NEDD9: variants seen among roughly 807,000 people sequenced by gnomAD.
The protein encoded by NEDD9 is neural precursor cell expressed, developmentally down-regulated 9.
In NEDD9, 26 loss-of-function variants were observed where a neutral mutation model predicts 76.6. That is an observed-to-expected ratio of 0.34 (90% CI 0.25 to 0.47). NEDD9 has a LOEUF of 0.47. NEDD9 is among the 20% of genes least tolerant of loss of function. The probability of loss-of-function intolerance (pLI) is 1.00; values close to 1 mark genes in which losing one functional copy is unlikely to be tolerated. For synonymous variants in NEDD9, 392 were observed against 414.2 expected (o/e 0.95, Z 0.65); for missense variants, 937 against 1,058.5 (o/e 0.89, Z 1.59).
At chr6:11,356,712 G>T (rs9380246) in intron 1 of NEDD9, among the ~76,000 whole-genome samples, 87,541 of 149,816 alleles carry the variant, frequency 0.58, 25,869 homozygotes, top group Admixed American at 0.62. Context: ...TTAATCGTTG[G>T]CATCATCATA....
intron 2 of NEDD9, among the ~76,000 whole-genome samples, chr6:11,327,928 GCTAT>G (rs1561836394): frequency 6.6e-6 from 1 of 152,244 alleles, no homozygotes; most frequent in African/African-American, 2.4e-5. Flanking sequence ...CTGTGCAACA[GCTAT>G]CTCTTTGCTT....
intron 2 of NEDD9, among the ~76,000 whole-genome samples, chr6:11,204,718 T>TTAAAA (rs1561786771): frequency 3.7e-5 from 1 of 26,790 alleles, no homozygotes; most frequent in African/African-American, 2.0e-4. Flanking sequence ...AGGGTCCGTC[T>TTAAAA]CAAAAAAAAA....
chr6:11,361,658 T>C (rs1446760715), intron 1 of NEDD9, among the ~76,000 whole-genome samples: 2 of 152,018 alleles, frequency 1.3e-5, no homozygotes, highest in Non-Finnish European at 2.9e-5. Flanking sequence ...AACTATATCA[T>C]CCCTATTCAC....
At chr6:11,238,824 C>T (rs912671385) in intron 3 of NEDD9, among the ~76,000 whole-genome samples, 6 of 152,118 alleles carry the variant, frequency 3.9e-5, no homozygotes, top group Non-Finnish European at 8.8e-5. Context: ...AAGTATGAGC[C>T]GCAGTAGGCT....
intron 2 of NEDD9, among the ~76,000 whole-genome samples, chr6:11,321,219 G>C (rs1761792997): frequency 6.8e-6 from 1 of 147,598 alleles, no homozygotes; most frequent in African/African-American, 2.5e-5. Flanking sequence ...GAAGGAAGGA[G>C]GGAGGAAGGA....
chr6:11,291,632 A>C (rs1162198769), intron 3 of NEDD9, among the ~76,000 whole-genome samples: 1 of 152,160 alleles, frequency 6.6e-6, no homozygotes, highest in Non-Finnish European at 1.5e-5. Flanking sequence ...GTTTAATTGG[A>C]TATTGTACTC....
chr6:11,256,810 G>T (rs1760013228), intron 3 of NEDD9, among the ~76,000 whole-genome samples: 1 of 152,202 alleles, frequency 6.6e-6, no homozygotes, highest in African/African-American at 2.4e-5. Flanking sequence ...TAGAGCCTTT[G>T]CAGTAGGCTG....
At chr6:11,306,009 C>A (rs763995619) in exon 3 of NEDD9, 2 of 1,613,860 alleles carry the variant, frequency 1.2e-6, no homozygotes, top group Non-Finnish European at 1.7e-6. Flanking sequence ...CACATTTTGC[C>A]CCAAGGAATG....
At chr6:11,319,631 ACT>A (rs1491417202) in intron 2 of NEDD9, among the ~76,000 whole-genome samples, 14 of 150,048 alleles carry the variant, frequency 9.3e-5, no homozygotes, top group Non-Finnish European at 4.4e-5. Flanking sequence ...ACACACACAC[ACT>A]AACATGCACA....
intron 1 of NEDD9, among the ~76,000 whole-genome samples, chr6:11,373,305 T>C (rs1328789395): frequency 6.6e-6 from 1 of 152,220 alleles, no homozygotes; most frequent in African/African-American, 2.4e-5. Flanking sequence ...ATGAATAACA[T>C]GTTGTATATA....
intron 1 of NEDD9, among the ~76,000 whole-genome samples, chr6:11,372,150 G>A (rs879815200): frequency 2.2e-4 from 16 of 72,222 alleles, no homozygotes; most frequent in South Asian, 2.2e-3. Flanking sequence ...CACCCACAAC[G>A]CTACCCTTCC....
rs536859418 is a variant in NEDD9 at position 11,364,623 on chromosome 6, A to C, written c.-214+17516T>G. On this transcript the variant is annotated intron_variant, in intron 1 of 3. Coordinates refer to the NEDD9 transcript ENST00000397378. ...GCTTGTAACCCTTAAGGAGGCTCCAAAGTTCCCTCATTAAGTGGTTGTGAA... is the reference window on the plus strand; with the variant it reads ...GCTTGTAACCCTTAAGGAGGCTCCACAGTTCCCTCATTAAGTGGTTGTGAA... Among the ~76,000 whole-genome samples the C allele has an allele frequency of 3.9e-5, 6 of 152,214 alleles. No homozygotes were observed. In the South Asian group the frequency reaches 1.0e-3, roughly 26 times the overall value.
rs143319864 is a variant in NEDD9, at chr6:11,327,084, G to T, written c.-153+7417C>A. On this transcript the variant is annotated intron_variant, in intron 2 of 3. Transcript: ENST00000397378. Reference sequence around the variant, plus strand: ...GGATTCCTACTGGTGATGATGCTGGGACAACAGGAGCACATAGGGACTGTA... The same window carrying T: ...GGATTCCTACTGGTGATGATGCTGGTACAACAGGAGCACATAGGGACTGTA... Among the ~76,000 whole-genome samples the T allele has an allele frequency of 6.6e-5, 10 of 152,328 alleles. No individual in the cohort carries two copies. The East Asian group carries it at 1.9e-3, about 29-fold the overall frequency.
intron 5 of NEDD9, 140 bp downstream of exon 5, chr6:11,189,824 C>T: frequency 1.8e-6 from 2 of 1,093,560 alleles, no homozygotes; most frequent in South Asian, 1.9e-5. Context: ...TACGACACTC[C>T]CTCCAATTTG....
rs73443091 is a variant in NEDD9, at chr6:11,200,810, T to C, written c.460-7118A>G. ...GCTGTTCGTATCAGTATTGGCATTATTACGGTTATCACCAGAGCAGCTCAA... is the reference window on the plus strand; with the variant it reads ...GCTGTTCGTATCAGTATTGGCATTACTACGGTTATCACCAGAGCAGCTCAA... On this transcript the variant is annotated intron_variant, in intron 2 of 6. Transcript: ENST00000379446. The C allele has an allele frequency of 2.1e-3, 3,016 of 1,461,014 alleles. 51 individuals carry two copies. The African/African-American group carries it at 0.038, about 18-fold the overall frequency. 90.5% of individuals were successfully genotyped at this position (1,461,014 alleles called of 1,614,324 possible). A position where few individuals can be genotyped will look rare whatever the true frequency, so the allele number is the denominator to read the frequency against.
intron 1 of NEDD9, among the ~76,000 whole-genome samples, chr6:11,348,637 C>T (rs34121464): frequency 0.28 from 42,006 of 152,098 alleles, 6,975 homozygotes; most frequent in Middle Eastern, 0.4. Context: ...CTACAATCAT[C>T]TGATCTTTGA....
intron 2 of NEDD9, among the ~76,000 whole-genome samples, chr6:11,203,097 C>G (rs1386736574): frequency 6.6e-6 from 1 of 152,170 alleles, no homozygotes. Flanking sequence ...TATAGAGTGA[C>G]CAAGCACCAG....
chr6:11,279,316 T>A (rs76350590), intron 3 of NEDD9, among the ~76,000 whole-genome samples: 2,838 of 152,356 alleles, frequency 0.019, 82 homozygotes, highest in African/African-American at 0.065. Flanking sequence ...CACTTGCTCC[T>A]GATTCATGCT....
chr6:11,254,095 T>G (rs1463800524), intron 3 of NEDD9, among the ~76,000 whole-genome samples: 1 of 152,156 alleles, frequency 6.6e-6, no homozygotes, highest in Non-Finnish European at 1.5e-5. Flanking sequence ...TGTGCAAAAA[T>G]GTATTTGTTG....
Sources: allele counts gnomAD v4.1 joint callset (sites outside exome capture counted in the v4.1 genomes callset), GRCh38; gene constraint gnomAD v4.1.1; transcripts MANE v1.5; gene names NCBI Gene and HGNC (gene_info 2026-07-23, HGNC 2026-07-21).